Variants in RIMBP2 observed in about 807,000 individuals in gnomAD.
RIMBP2 encodes RIMS binding protein 2, also known as RIMS-binding protein 2.
In RIMBP2, 48 loss-of-function variants were observed where a neutral mutation model predicts 118.6. That is an observed-to-expected ratio of 0.40 (90% CI 0.32 to 0.51). The LOEUF is 0.51. RIMBP2 is among the 20% of genes least tolerant of loss of function. The pLI, the probability that RIMBP2 is intolerant of heterozygous loss-of-function variation, is 0.41. For missense variants in RIMBP2, 1,551 were observed against 1,768.3 expected (o/e 0.88, Z 2.20); for synonymous variants, 762 against 742.9 (o/e 1.03, Z -0.42).
At chr12:130,464,648 T>C (rs956049134) in intron 6 of RIMBP2, among the ~76,000 whole-genome samples, 3 of 152,204 alleles carry the variant, frequency 2.0e-5, no homozygotes, top group African/African-American at 7.2e-5. Flanking sequence ...GGTAAGTTGG[T>C]GTTAGGCCAT....
chr12:130,532,385 G>A (rs1297653009), intron 2 of RIMBP2, among the ~76,000 whole-genome samples: 3 of 150,500 alleles, frequency 2.0e-5, no homozygotes, highest in Admixed American at 6.6e-5. Context: ...AATGAGATGC[G>A]TGTGTTTAGC....
intron 4 of RIMBP2, among the ~76,000 whole-genome samples, chr12:130,479,595 C>A (rs2081769870): frequency 7.9e-6 from 1 of 127,238 alleles, no homozygotes; most frequent in African/African-American, 4.6e-5. Context: ...CCGCACCCTC[C>A]CGGGAGCTTC....
intron 2 of RIMBP2, among the ~76,000 whole-genome samples, chr12:130,613,643 A>G (rs2060704059): frequency 6.6e-6 from 1 of 152,048 alleles, no homozygotes; most frequent in Non-Finnish European, 1.5e-5. Context: ...GTGAAACCCC[A>G]TCTCTACTAC....
intron 1 of RIMBP2, among the ~76,000 whole-genome samples, chr12:130,700,293 CT>C (rs2136754639): frequency 6.6e-6 from 1 of 152,302 alleles, no homozygotes; most frequent in South Asian, 2.1e-4. Context: ...GGAAAGATGC[CT>C]GGAGTTGAGG....
Position 130,668,711 on chromosome 12 carries a change from C to T in RIMBP2, c.-351-40255G>A, listed in dbSNP as rs143253842. On this transcript the variant is annotated intron_variant, in intron 1 of 22. Transcript: ENST00000690449. The stretch of plus-strand genomic sequence containing the variant: ...AGCCGGTGGCTCCCACAAGCAGCTG[C>T]ATGGCCGGCTCTCCCCTGCCCTCAG... Among the ~76,000 whole-genome samples, 388 of 152,376 alleles carry T rather than the reference C, an allele frequency of 2.5e-3. 1 individual carries two copies. The highest frequency in any genetic ancestry group is 0.01 in the Middle Eastern group (3 of 294).
At chr12:130,613,707 A>G (rs1269984660) in intron 2 of RIMBP2, among the ~76,000 whole-genome samples, 1 of 149,930 alleles carries the variant, frequency 6.7e-6, no homozygotes, top group Non-Finnish European at 1.5e-5. Context: ...CCAGCTACTC[A>G]GGAGGCTGAG....
At position 130,583,582 on chromosome 12, in the gene RIMBP2, G is replaced by A. The variant is rs566518956; in HGVS notation, c.-217+44740C>T. On this transcript the variant is annotated intron_variant, in intron 2 of 22. Transcript: ENST00000690449. ...CCATCACCACCATCACCTCATCACC[G>A]TTTCATCATCATCATTACCTTCATC... 1.4e-3 allele frequency among the ~76,000 whole-genome samples: 180 copies of A among 124,958 alleles called. 1 individual carries two copies. The highest frequency in any genetic ancestry group is 4.6e-3 in the African/African-American group (153 of 33,188). 82.0% of individuals were successfully genotyped at this position (124,958 alleles called of 152,430 possible).
chr12:130,676,590 T>G (rs1442703176), intron 1 of RIMBP2, among the ~76,000 whole-genome samples: 1 of 149,856 alleles, frequency 6.7e-6, no homozygotes, highest in Admixed American at 6.7e-5. Context: ...GCCACTGAAC[T>G]CCAGCCTGGG....
intron 2 of RIMBP2, among the ~76,000 whole-genome samples, chr12:130,573,466 G>A (rs796356106): frequency 1.3e-5 from 2 of 152,122 alleles, no homozygotes; most frequent in Admixed American, 6.5e-5. Context: ...GTGCATGTGG[G>A]TGTGCAAGTG....
chr12:130,461,643 C>T (rs1030021627), intron 6 of RIMBP2, among the ~76,000 whole-genome samples: 2 of 152,230 alleles, frequency 1.3e-5, no homozygotes, highest in Non-Finnish European at 2.9e-5. Context: ...GGGTGGATCC[C>T]TCATGAATAG....
intron 1 of RIMBP2, among the ~76,000 whole-genome samples, chr12:130,668,780 T>TGTGCC (rs1594175939): frequency 6.6e-6 from 1 of 152,220 alleles, no homozygotes; most frequent in Non-Finnish European, 1.5e-5. Context: ...CAGCACAAGC[T>TGTGCC]GTGCCATGCC....
intron 1 of RIMBP2, among the ~76,000 whole-genome samples, chr12:130,662,911 A>G (rs4293158): frequency 0.56 from 84,378 of 151,914 alleles, 23,814 homozygotes; most frequent in Non-Finnish European, 0.63. Context: ...AGCTATGATC[A>G]TGCCACTACA....
chr12:130,512,497 A>AT (rs1449586561), intron 3 of RIMBP2, among the ~76,000 whole-genome samples: 1 of 152,048 alleles, frequency 6.6e-6, no homozygotes, highest in Admixed American at 6.5e-5. Context: ...CAATTTTTGT[A>AT]TTTTTAGTAG....
chr12:130,522,965 T>C (rs184368776), intron 2 of RIMBP2, among the ~76,000 whole-genome samples: 7 of 151,968 alleles, frequency 4.6e-5, no homozygotes, highest in Admixed American at 6.6e-5. Context: ...TCTTTCCCCC[T>C]CTCTCTCAGT....
At chr12:130,443,776 T>C (rs767648233) in intron 10 of RIMBP2, among the ~76,000 whole-genome samples, 4 of 152,032 alleles carry the variant, frequency 2.6e-5, no homozygotes, top group Non-Finnish European at 4.4e-5. Flanking sequence ...ATGGTGACGG[T>C]GATGATGATG....
intron 4 of RIMBP2, among the ~76,000 whole-genome samples, chr12:130,506,389 AG>A (rs1271484323): frequency 6.6e-6 from 1 of 152,204 alleles, no homozygotes; most frequent in Non-Finnish European, 1.5e-5. Flanking sequence ...GCCACTGCAC[AG>A]CTCAGCTGTG....
chr12:130,468,571 C>T (rs2080716913), intron 6 of RIMBP2, among the ~76,000 whole-genome samples: 1 of 152,128 alleles, frequency 6.6e-6, no homozygotes, highest in Admixed American at 6.5e-5. Context: ...GCCTCTCCTC[C>T]ACCCCAGGGG....
intron 2 of RIMBP2, among the ~76,000 whole-genome samples, chr12:130,571,516 T>C (rs2140060012): frequency 6.6e-6 from 1 of 150,690 alleles, no homozygotes; most frequent in South Asian, 2.1e-4. Context: ...GCCTCCCAGG[T>C]TCAAGCGATT....
intron 2 of RIMBP2, among the ~76,000 whole-genome samples, chr12:130,577,582 G>T (rs1261696841): frequency 6.6e-6 from 1 of 152,112 alleles, no homozygotes; most frequent in East Asian, 1.9e-4. Flanking sequence ...CAGCATGGGG[G>T]AAACTGCCCC....
Sources: allele counts gnomAD v4.1 joint callset (sites outside exome capture counted in the v4.1 genomes callset), GRCh38; gene constraint gnomAD v4.1.1; transcripts MANE v1.5; gene names NCBI Gene and HGNC (gene_info 2026-07-23, HGNC 2026-07-21).